Variants in RNF180 observed in about 807,000 individuals in gnomAD.
The protein encoded by RNF180 is ring finger protein 180, also known as E3 ubiquitin-protein ligase RNF180.
A neutral mutation model predicts 59.2 loss-of-function variants in RNF180; 38 were observed. That is an observed-to-expected ratio of 0.64 (90% CI 0.50 to 0.84). RNF180 has a LOEUF of 0.84. Ranked by LOEUF, RNF180 falls within the 40% of genes least tolerant of loss-of-function variation. The pLI is 0.00. For missense variants in RNF180, 705 were observed against 700.9 expected, an observed-to-expected ratio of 1.01 and a Z score of -0.07; for synonymous variants, 262 against 240.3, an observed-to-expected ratio of 1.09 and a Z score of -0.84.
At chr5:64,295,411 A>T (rs141495205) in intron 5 of RNF180, among the ~76,000 whole-genome samples, 8 of 152,306 alleles carry the variant, frequency 5.3e-5, no homozygotes, top group Non-Finnish European at 8.8e-5. Context: ...CTATGGGGAA[A>T]ACCTTGGACC....
intron 1 of RNF180, among the ~76,000 whole-genome samples, chr5:64,184,046 T>G (rs773600432): frequency 2.0e-5 from 3 of 152,142 alleles, no homozygotes; most frequent in Non-Finnish European, 4.4e-5. Flanking sequence ...TCCTTATACA[T>G]AGAACAAATT....
At chr5:64,212,398 A>G (rs1380997895) in intron 3 of RNF180, among the ~76,000 whole-genome samples, 2 of 151,978 alleles carry the variant, frequency 1.3e-5, no homozygotes, top group African/African-American at 2.4e-5. Context: ...TTAAATATAC[A>G]GAAGCATATA....
At chr5:64,172,893 G>C (rs1750017789) in intron 1 of RNF180, among the ~76,000 whole-genome samples, 1 of 152,204 alleles carries the variant, frequency 6.6e-6, no homozygotes, top group Admixed American at 6.5e-5. Flanking sequence ...GTCATGGTCA[G>C]TGGGAATGCT....
At chr5:64,221,448 G>A (rs1741329537) in intron 5 of RNF180, among the ~76,000 whole-genome samples, 1 of 152,042 alleles carries the variant, frequency 6.6e-6, no homozygotes, top group Non-Finnish European at 1.5e-5. Flanking sequence ...TCTACTTTGT[G>A]TCAAATTATT....
At chr5:64,359,560 G>A (rs938476854) in intron 7 of RNF180, among the ~76,000 whole-genome samples, 1 of 151,816 alleles carries the variant, frequency 6.6e-6, no homozygotes, top group Non-Finnish European at 1.5e-5. Context: ...AGTAGGTTGT[G>A]AAAATGTTCT....
At chr5:64,355,368 T>TA (rs1265372314) in intron 7 of RNF180, among the ~76,000 whole-genome samples, 1 of 151,916 alleles carries the variant, frequency 6.6e-6, no homozygotes, top group African/African-American at 2.4e-5. Flanking sequence ...GCATGGATGT[T>TA]AAAAACTTGC....
In RNF180 at chr5:64,214,489, G is replaced by A. The variant is rs760648159; in HGVS notation, c.1163G>A (p.Arg388Gln). The change falls in exon 4 of 8, where the codon CGA becomes CAA. Residue 388 changes from arginine (R) to glutamine (Q), a missense_variant. Arg to Gln is a conservative substitution (Grantham distance 43). Transcript: ENST00000389100. ...TTGAAGAATCTAAGAAGGAAACAAC[G>A]AAGGCGTGAAAGATGGCTACAGAAG... ...SKLKNLRRKQ[R>Q]RRERWLQKQG... is the part of the protein sequence containing the mutation. 20 of 1,613,420 alleles carry A rather than the reference G, an allele frequency of 1.2e-5. No homozygotes were observed. Among genetic ancestry groups the A allele is most frequent in the South Asian group, 4.4e-5 (4 of 91,068 alleles).
intron 5 of RNF180, among the ~76,000 whole-genome samples, chr5:64,302,552 T>C (rs2112458132): frequency 6.6e-6 from 1 of 151,600 alleles, no homozygotes; most frequent in East Asian, 1.9e-4. Flanking sequence ...ATTATAAATC[T>C]CAAATAGTCC....
At chr5:64,355,082 T>A (rs1276871103) in intron 7 of RNF180, among the ~76,000 whole-genome samples, 1 of 151,800 alleles carries the variant, frequency 6.6e-6, no homozygotes, top group African/African-American at 2.4e-5. Context: ...ACAATTTGAT[T>A]TAAAAATAAA....
At chr5:64,227,883 A>G (rs560937380) in intron 5 of RNF180, among the ~76,000 whole-genome samples, 3 of 152,278 alleles carry the variant, frequency 2.0e-5, no homozygotes, top group East Asian at 3.9e-4. Context: ...TACACTGCCA[A>G]CCTGTTTTTC....
intron 5 of RNF180, among the ~76,000 whole-genome samples, chr5:64,237,269 G>A (rs1052331719): frequency 5.3e-5 from 8 of 152,214 alleles, no homozygotes; most frequent in African/African-American, 1.9e-4. Flanking sequence ...TGCCCTGTAT[G>A]TGAGACCTGG....
chr5:64,320,379 G>A (rs1394209720), intron 5 of RNF180, among the ~76,000 whole-genome samples: 2 of 152,166 alleles, frequency 1.3e-5, no homozygotes, highest in Non-Finnish European at 2.9e-5. Context: ...GCATGGAAAG[G>A]CAGTTCTCAT....
At chr5:64,355,832 T>C (rs1299401346) in intron 7 of RNF180, among the ~76,000 whole-genome samples, 1 of 151,920 alleles carries the variant, frequency 6.6e-6, no homozygotes, top group African/African-American at 2.4e-5. Context: ...CTAGGATAGC[T>C]GATTTACATA....
At chr5:64,346,753 G>A (rs372687774) in intron 7 of RNF180, among the ~76,000 whole-genome samples, 1 of 151,996 alleles carries the variant, frequency 6.6e-6, no homozygotes, top group African/African-American at 2.4e-5. Context: ...CAGTATCTCT[G>A]GAGATGGGTC....
At chr5:64,253,150 C>G (rs1010946480) in intron 5 of RNF180, among the ~76,000 whole-genome samples, 1 of 152,032 alleles carries the variant, frequency 6.6e-6, no homozygotes, top group Non-Finnish European at 1.5e-5. Context: ...AATTACGTCC[C>G]CTTGCTAAGA....
chr5:64,255,304 T>C (rs1461224797), intron 5 of RNF180, among the ~76,000 whole-genome samples: 1 of 152,160 alleles, frequency 6.6e-6, no homozygotes. Context: ...GCTGCACCCA[T>C]TAACTCGTCA....
In RNF180 at chr5:64,282,305, A is replaced by G. The variant is rs149062740; in HGVS notation, c.1228-42881A>G. On this transcript the variant is annotated intron_variant, in intron 5 of 7. Transcript: ENST00000389100. Reference sequence around the variant, plus strand: ...GTTGTATGTTTCCAGCAATTTATCTATTTTTAGATTTTCTAGTTTGTGTGC... The same window carrying G: ...GTTGTATGTTTCCAGCAATTTATCTGTTTTTAGATTTTCTAGTTTGTGTGC... Among the ~76,000 whole-genome samples the G allele has an allele frequency of 1.6e-4, 24 of 152,104 alleles. No individual in the cohort carries two copies. The East Asian group carries it at 4.3e-3, about 27-fold the overall frequency.
At chr5:64,366,611 G>GT (rs1435429303) in intron 7 of RNF180, among the ~76,000 whole-genome samples, 1 of 151,454 alleles carries the variant, frequency 6.6e-6, no homozygotes, top group East Asian at 1.9e-4. Flanking sequence ...TTCAGTAACA[G>GT]TTTAGATAAA....
chr5:64,252,555 T>A (rs1227768242), intron 5 of RNF180, among the ~76,000 whole-genome samples: 1 of 152,072 alleles, frequency 6.6e-6, no homozygotes, highest in South Asian at 2.1e-4. Context: ...CATACAAGGT[T>A]TTTTGTCAAT....
Sources: gnomAD v4.1 joint callset for allele counts (sites outside exome capture counted in the v4.1 genomes callset) on GRCh38, gnomAD v4.1.1 for gene constraint, MANE v1.5 for transcripts, NCBI Gene and HGNC (gene_info 2026-07-23, HGNC 2026-07-21) for gene names.